MBNL3: variants seen among roughly 807,000 people sequenced by gnomAD.
The protein encoded by MBNL3 is muscleblind like splicing regulator 3, also known as muscleblind-like protein 3.
In MBNL3, 6 loss-of-function variants were observed where a neutral mutation model predicts 24.5. The ratio of observed to expected loss-of-function variants is 0.25; its 90% CI spans 0.13 to 0.48. The LOEUF (loss-of-function observed/expected upper bound fraction) is 0.48, where lower values mean the gene tolerates loss of function less well. Ranked by LOEUF, MBNL3 falls within the 20% of genes least tolerant of loss-of-function variation. MBNL3 has a pLI of 0.99. For missense variants in MBNL3, 230 were observed against 293.5 expected (o/e 0.78, Z 1.58); for synonymous variants, 100 against 101.7 (o/e 0.98, Z 0.10).
chrX:132,463,538 G>A (rs1017030791), intron 1 of MBNL3, among the ~76,000 whole-genome samples: 2 of 112,024 alleles, frequency 1.8e-5, no homozygotes, highest in African/African-American at 3.2e-5. Flanking sequence ...ATCGAATTCA[G>A]TTGTGTACTA....
chrX:132,487,152 CTTTT>C (rs1379793313), intron 1 of MBNL3, among the ~76,000 whole-genome samples: 2 of 110,585 alleles, frequency 1.8e-5, no homozygotes, highest in Non-Finnish European at 3.8e-5. Context: ...TTCTTTCTTT[CTTTT>C]TTTCTTTTTT....
chrX:132,444,315 C>T (rs1352106219), intron 1 of MBNL3, among the ~76,000 whole-genome samples: 1 of 110,924 alleles, frequency 9.0e-6, no homozygotes, highest in African/African-American at 3.3e-5. Flanking sequence ...GCTTTGGCCA[C>T]CTCTGTTAGT....
intron 2 of MBNL3, 94 bp downstream of exon 2, chrX:132,439,341 G>T: frequency 2.1e-6 from 2 of 943,670 alleles, no homozygotes; most frequent in Non-Finnish European, 2.8e-6. Context: ...TCACTTTCAT[G>T]CTATTATTAA....
intron 1 of MBNL3, among the ~76,000 whole-genome samples, chrX:132,451,718 G>GA (rs1276951574): frequency 2.7e-5 from 3 of 111,421 alleles, no homozygotes; most frequent in Non-Finnish European, 3.8e-5. Context: ...ACTGGGGTAT[G>GA]AAAAAAACTC....
intron 2 of MBNL3, chrX:132,430,931 A>AT (rs940275134): frequency 9.0e-6 from 1 of 110,792 alleles, no homozygotes; most frequent in Non-Finnish European, 1.9e-5. Flanking sequence ...TGCCCAGTTA[A>AT]TTTTTTTAAA....
At chrX:132,397,936 G>A (rs1940114147) in intron 3 of MBNL3, among the ~76,000 whole-genome samples, 1 of 110,844 alleles carries the variant, frequency 9.0e-6, no homozygotes, top group African/African-American at 3.3e-5. Flanking sequence ...CAATAATTGA[G>A]AGTTAACTTT....
Position 132,439,812 on chromosome X carries a change from A to G in MBNL3, c.-201T>C. On this transcript the variant is annotated 5_prime_UTR_variant, in exon 2 of 9. Coordinates refer to ENST00000370853, the MANE Select transcript of MBNL3 (RefSeq NM_001386889.1). ...AAAAGCCAATCATAAAAACTATCAG[A>G]ATAACTAAAAATGAAATTAGAGACC... 1 of 498,559 alleles carries G rather than the reference A, an allele frequency of 2.0e-6. No individual in the cohort carries two copies. The highest frequency in any genetic ancestry group is 2.8e-6 in the Non-Finnish European group (1 of 355,599). 41.1% of individuals were successfully genotyped at this position (498,559 alleles called of 1,213,427 possible).
intron 1 of MBNL3, among the ~76,000 whole-genome samples, chrX:132,448,312 A>G (rs956763830): frequency 8.1e-5 from 9 of 111,177 alleles, no homozygotes; most frequent in Non-Finnish European, 1.5e-4. Context: ...TTACTGCCTC[A>G]TTTTCAGAAT....
intron 1 of MBNL3, among the ~76,000 whole-genome samples, chrX:132,484,308 G>A (rs747903928): frequency 8.9e-6 from 1 of 112,113 alleles, no homozygotes; most frequent in South Asian, 3.7e-4. Flanking sequence ...AAGAATGTTC[G>A]TAACATGCAA....
intron 1 of MBNL3, among the ~76,000 whole-genome samples, chrX:132,479,506 T>C (rs185687714): frequency 3.2e-4 from 36 of 112,404 alleles, no homozygotes; most frequent in African/African-American, 1.1e-3. Flanking sequence ...CAGCCGCTTT[T>C]TTGTTTATAA....
chrX:132,450,609 C>A (rs145845622), intron 1 of MBNL3, among the ~76,000 whole-genome samples: 1,493 of 112,032 alleles, frequency 0.013, 23 homozygotes, highest in African/African-American at 0.046. Flanking sequence ...TGGGTTAGAA[C>A]ATGCTCCGTT....
chrX:132,484,031 T>C (rs1947879395), intron 1 of MBNL3, among the ~76,000 whole-genome samples: 1 of 111,997 alleles, frequency 8.9e-6, no homozygotes, highest in Non-Finnish European at 1.9e-5. Context: ...GAACTGTTTC[T>C]ATGTAAACAT....
chrX:132,396,847 CATATATATTCAT>C (rs1233393346), intron 3 of MBNL3, among the ~76,000 whole-genome samples: 3 of 16,538 alleles, frequency 1.8e-4, no homozygotes, highest in Non-Finnish European at 2.9e-4. Flanking sequence ...TTCATATATA[CATATATATTCAT>C]ATATATATTC....
rs755797247 is a variant in MBNL3 at position 132,402,252 on chromosome X, G to A, written c.342+3976C>T. On this transcript the variant is annotated intron_variant, in intron 3 of 8. Coordinates refer to ENST00000370853, the MANE Select transcript of MBNL3 (RefSeq NM_001386889.1). Reference sequence around the variant, plus strand: ...CCATGTGAATCACCACATTCAAAGAGAGAAACTAGGGGAATTTCCCAGGTT... The same window carrying A: ...CCATGTGAATCACCACATTCAAAGAAAGAAACTAGGGGAATTTCCCAGGTT... Among the ~76,000 whole-genome samples the A allele has an allele frequency of 1.5e-3, 166 of 112,353 alleles. 1 individual carries two copies. The highest frequency in any genetic ancestry group is 2.5e-3 in the Non-Finnish European group (132 of 53,220).
At chrX:132,487,812 T>A (rs1218607716) in intron 1 of MBNL3, among the ~76,000 whole-genome samples, 4 of 112,356 alleles carry the variant, frequency 3.6e-5, no homozygotes, top group Non-Finnish European at 7.5e-5. Context: ...ATCCAAGGTG[T>A]CTGATAAGCC....
At position 132,439,568 on chromosome X, in the gene MBNL3, A is replaced by G; in HGVS notation, c.44T>C (p.Leu15Pro). 1 of 1,207,142 alleles carries G rather than the reference A, an allele frequency of 8.3e-7. No individual in the cohort carries two copies. Among genetic ancestry groups the G allele is most frequent in the South Asian group, 1.8e-5 (1 of 55,614 alleles). The change falls in exon 2 of 9, where the codon CTG becomes CCG. Residue 15 changes from leucine to proline, a missense_variant. By Grantham distance (98) the Leu-to-Pro change is moderately conservative. Transcript: ENST00000370853. ...NVALIRDTKW[L>P]TLEVCREFQR... is the part of the protein sequence containing the mutation. ...AAATTCTCTACAGACTTCTAAAGTC[A>G]GCCACTTGGTATCACGAATCAGGGC...
intron 3 of MBNL3, among the ~76,000 whole-genome samples, chrX:132,396,877 CATATATATTCAT>C (rs1383012363): frequency 1.6e-4 from 8 of 49,256 alleles, no homozygotes; most frequent in African/African-American, 1.8e-4. Context: ...TTCATATATA[CATATATATTCAT>C]ATATATATTC....
intron 2 of MBNL3, among the ~76,000 whole-genome samples, chrX:132,433,368 T>C (rs1944899060): frequency 8.9e-6 from 1 of 111,791 alleles, no homozygotes; most frequent in African/African-American, 3.3e-5. Flanking sequence ...GTGGCCACAT[T>C]CCCAGGGGAT....
intron 1 of MBNL3, among the ~76,000 whole-genome samples, chrX:132,452,333 CA>C (rs1424212199): frequency 8.9e-6 from 1 of 112,379 alleles, no homozygotes; most frequent in African/African-American, 3.2e-5. Context: ...AAGCTTGACA[CA>C]TTTGGCACTT....
Sources: allele counts gnomAD v4.1 joint callset (sites outside exome capture counted in the v4.1 genomes callset), GRCh38; gene constraint gnomAD v4.1.1; transcripts MANE v1.5; gene names NCBI Gene and HGNC (gene_info 2026-07-23, HGNC 2026-07-21).